Variants in ITFG1 observed in about 807,000 individuals in gnomAD.
The protein encoded by ITFG1 is integrin alpha FG-GAP repeat containing 1.
Under a neutral mutation model 81.8 loss-of-function variants are expected in ITFG1, and 34 were observed. The ratio of observed to expected loss-of-function variants is 0.42; its 90% CI spans 0.32 to 0.55. ITFG1 has a LOEUF of 0.55. ITFG1 is among the 20% of genes least tolerant of loss of function. The pLI is 0.17. For synonymous variants in ITFG1, 285 were observed against 270.6 expected (o/e 1.05, Z -0.52); for missense variants, 672 against 755.4 (o/e 0.89, Z 1.29).
At chr16:47,378,068 C>G (rs1968349611) in intron 6 of ITFG1, among the ~76,000 whole-genome samples, 1 of 152,114 alleles carries the variant, frequency 6.6e-6, no homozygotes, top group Non-Finnish European at 1.5e-5. Flanking sequence ...TTTATAGCAT[C>G]TGAAAATGGG....
At position 47,365,796 on chromosome 16, in the gene ITFG1, G is replaced by C; in HGVS notation, c.794C>G (p.Ala265Gly). 2.6e-6 allele frequency: 4 copies of C among 1,568,424 alleles called. No individual in the cohort carries two copies. Among genetic ancestry groups the C allele is most frequent in the Non-Finnish European group, 3.5e-6 (4 of 1,143,504 alleles). The part of the protein sequence containing the change: ...NMMVVGQSAF[A>G]DFDGDGHMDH... Reference sequence around the variant, plus strand: ...TTTTTACCAAATCTTACCAAAGTCTGCAAATGCTGACTGTCCAACCACCAT... The same window carrying C: ...TTTTTACCAAATCTTACCAAAGTCTCCAAATGCTGACTGTCCAACCACCAT... The change falls in exon 8 of 18, where the codon GCA (alanine) becomes GGA (glycine). Residue 265 changes from alanine (A) to glycine (G), a missense_variant. Coordinates refer to ENST00000320640, the MANE Select transcript of ITFG1 (RefSeq NM_030790.5).
chr16:47,441,799 T>C (rs1969254768), intron 5 of ITFG1, among the ~76,000 whole-genome samples: 1 of 152,074 alleles, frequency 6.6e-6, no homozygotes, highest in Admixed American at 6.6e-5. Context: ...TCACCACTCC[T>C]ATTCAACATA....
intron 10 of ITFG1, among the ~76,000 whole-genome samples, chr16:47,287,849 A>G (rs1966876164): frequency 6.6e-6 from 1 of 152,198 alleles, no homozygotes; most frequent in South Asian, 2.1e-4. Flanking sequence ...AAAAATGTCT[A>G]TTCACAGTTT....
At chr16:47,170,762 G>A (rs1346135512) in intron 14 of ITFG1, among the ~76,000 whole-genome samples, 1 of 124,986 alleles carries the variant, frequency 8.0e-6, no homozygotes, top group Non-Finnish European at 1.6e-5. Flanking sequence ...TTGAGATGGA[G>A]ACTCACTCTG....
chr16:47,216,731 G>A (rs748970429), intron 14 of ITFG1, among the ~76,000 whole-genome samples: 2 of 150,006 alleles, frequency 1.3e-5, no homozygotes, highest in Non-Finnish European at 3.0e-5. Flanking sequence ...GTGTGATCTC[G>A]GCTCACTGCA....
chr16:47,321,549 G>A lies in ITFG1; in HGVS notation c.803-7726C>T, dbSNP rs149664486. On this transcript the variant is annotated intron_variant, in intron 8 of 17. Transcript: ENST00000320640. Reference sequence around the variant, plus strand: ...ATTATTCTCACAAAAGTACAGAATGGGGCATGGTGGTACATGTTAGTTCCA... The same window carrying A: ...ATTATTCTCACAAAAGTACAGAATGAGGCATGGTGGTACATGTTAGTTCCA... Among the ~76,000 whole-genome samples, 127 of 152,180 alleles carry A rather than the reference G, an allele frequency of 8.3e-4. 1 individual carries two copies. The highest frequency in any genetic ancestry group is 2.9e-3 in the African/African-American group (121 of 41,536).
At chr16:47,178,523 AT>A (rs1322932814) in intron 14 of ITFG1, among the ~76,000 whole-genome samples, 1 of 152,202 alleles carries the variant, frequency 6.6e-6, no homozygotes, top group South Asian at 2.1e-4. Context: ...GGCTAGACAT[AT>A]GTAGAAAGCT....
intron 14 of ITFG1, among the ~76,000 whole-genome samples, chr16:47,171,000 G>T (rs1220198106): frequency 1.3e-5 from 2 of 149,384 alleles, no homozygotes; most frequent in African/African-American, 4.9e-5. Context: ...CTCCCAAAGT[G>T]CTGGGATTAC....
intron 14 of ITFG1, among the ~76,000 whole-genome samples, chr16:47,216,657 ATTAT>A (rs1315320361): frequency 6.6e-6 from 1 of 151,840 alleles, no homozygotes; most frequent in South Asian, 2.1e-4. Flanking sequence ...TTATTATTTT[ATTAT>A]TTATTTATTT....
chr16:47,443,269 G>A (rs1429005169), intron 5 of ITFG1, among the ~76,000 whole-genome samples: 3 of 152,204 alleles, frequency 2.0e-5, no homozygotes, highest in African/African-American at 2.4e-5. Flanking sequence ...AGAGGATGTG[G>A]AGAAATAGGA....
chr16:47,456,377 T>C (rs1969453307), intron 2 of ITFG1, among the ~76,000 whole-genome samples: 1 of 151,906 alleles, frequency 6.6e-6, no homozygotes, highest in Non-Finnish European at 1.5e-5. Context: ...TAGAACACAA[T>C]AAGCTAACCA....
chr16:47,448,952 A>C (rs1969354585), intron 5 of ITFG1: 1 of 152,164 alleles, frequency 6.6e-6, no homozygotes, highest in South Asian at 2.1e-4. Flanking sequence ...ACCTCATTAG[A>C]TGCAGTGAGT....
chr16:47,392,512 G>A (rs1297616486), intron 6 of ITFG1, among the ~76,000 whole-genome samples: 1 of 152,150 alleles, frequency 6.6e-6, no homozygotes, highest in African/African-American at 2.4e-5. Flanking sequence ...GTGATCTATT[G>A]TAAGGACTTG....
chr16:47,378,604 C>T (rs1968357123), intron 6 of ITFG1, among the ~76,000 whole-genome samples: 1 of 152,088 alleles, frequency 6.6e-6, no homozygotes, highest in Non-Finnish European at 1.5e-5. Flanking sequence ...CATGGCTTTG[C>T]TAGCTATTTA....
chr16:47,228,098 A>G (rs1965776253), intron 13 of ITFG1, among the ~76,000 whole-genome samples: 1 of 152,224 alleles, frequency 6.6e-6, no homozygotes, highest in Non-Finnish European at 1.5e-5. Context: ...AAAGGACTGT[A>G]AAAAGGTATA....
intron 14 of ITFG1, among the ~76,000 whole-genome samples, chr16:47,210,884 A>T (rs1213309342): frequency 6.6e-6 from 1 of 152,154 alleles, no homozygotes; most frequent in African/African-American, 2.4e-5. Flanking sequence ...ACATAGACGA[A>T]TTCCACCTAT....
chr16:47,421,908 TGTGA>T (rs1158764031), intron 6 of ITFG1, among the ~76,000 whole-genome samples: 1 of 152,176 alleles, frequency 6.6e-6, no homozygotes, highest in East Asian at 1.9e-4. Context: ...CACTGCCACC[TGTGA>T]GTGAGAACAT....
chr16:47,397,218 A>G (rs1297492903), intron 6 of ITFG1, among the ~76,000 whole-genome samples: 1 of 152,158 alleles, frequency 6.6e-6, no homozygotes, highest in Non-Finnish European at 1.5e-5. Context: ...CACAACTGTG[A>G]AAGGAACTCT....
intron 14 of ITFG1, among the ~76,000 whole-genome samples, chr16:47,194,263 G>C (rs1965328877): frequency 6.6e-6 from 1 of 152,112 alleles, no homozygotes. Context: ...TGCACTTATT[G>C]CTTTGTAATG....
Sources: gnomAD v4.1 joint callset for allele counts (sites outside exome capture counted in the v4.1 genomes callset) on GRCh38, gnomAD v4.1.1 for gene constraint, MANE v1.5 for transcripts, NCBI Gene and HGNC (gene_info 2026-07-23, HGNC 2026-07-21) for gene names.